The following SHROOM3 variants were observed in gnomAD, a reference collection of about 807,000 sequenced individuals.
SHROOM3 encodes the protein shroom family member 3.
SHROOM3 carries 47 observed loss-of-function variants against 138.6 expected under a neutral mutation model. That is an observed-to-expected ratio of 0.34 (90% CI 0.27 to 0.43). SHROOM3 has a LOEUF of 0.43. Among genes scored for constraint, SHROOM3 ranks in the 20% least tolerant of loss-of-function variants. SHROOM3 has a pLI of 1.00. For synonymous variants in SHROOM3, 1,062 were observed against 1,063.3 expected (o/e 1.00, Z 0.02); for missense variants, 2,491 against 2,596.5 (o/e 0.96, Z 0.88).
At chr4:76,637,302 C>T (rs1216158368) in intron 2 of SHROOM3, among the ~76,000 whole-genome samples, 1 of 152,204 alleles carries the variant, frequency 6.6e-6, no homozygotes, top group Non-Finnish European at 1.5e-5. Context: ...AAAACTCTTG[C>T]AGATGCAATA....
chr4:76,441,092 T>TTG lies in SHROOM3; in HGVS notation c.168+4873_168+4874insGT, dbSNP rs1730664059. On this transcript the variant is annotated intron_variant, in intron 1 of 10. Transcript: ENST00000296043. Reference sequence around the variant, plus strand: ...ACAGTCCTGAGTTCAATTTGTTTTTTTTTTTTTTTTTTTTTGAGACAGAGT... The same window carrying TTG: ...ACAGTCCTGAGTTCAATTTGTTTTTTTGTTTTTTTTTTTTTTTGAGACAGAGT... Among the ~76,000 whole-genome samples the TTG allele has an allele frequency of 1.5e-5, 2 of 131,600 alleles. 1 individual carries two copies. Among genetic ancestry groups the TTG allele is most frequent in the Non-Finnish European group, 3.3e-5 (2 of 60,772 alleles). 86.3% of individuals were successfully genotyped at this position (131,600 alleles called of 152,430 possible).
At chr4:76,654,731 G>A (rs1736030423) in intron 2 of SHROOM3, among the ~76,000 whole-genome samples, 1 of 151,772 alleles carries the variant, frequency 6.6e-6, no homozygotes, top group Non-Finnish European at 1.5e-5. Context: ...GAGGGGGAGG[G>A]TTCAAGGATG....
intron 1 of SHROOM3, among the ~76,000 whole-genome samples, chr4:76,525,867 A>G (rs1296678498): frequency 1.3e-5 from 2 of 152,120 alleles, no homozygotes; most frequent in African/African-American, 2.4e-5. Flanking sequence ...GTCACATTCA[A>G]AAAACACTGC....
chr4:76,483,115 A>G (rs1410989662), intron 1 of SHROOM3, among the ~76,000 whole-genome samples: 1 of 152,240 alleles, frequency 6.6e-6, no homozygotes, highest in Admixed American at 6.5e-5. Context: ...ATAAAACACC[A>G]AAAGCAATGG....
At chr4:76,618,899 C>T (rs1029655706) in intron 2 of SHROOM3, among the ~76,000 whole-genome samples, 1 of 152,128 alleles carries the variant, frequency 6.6e-6, no homozygotes, top group Non-Finnish European at 1.5e-5. Flanking sequence ...TTTCTTGAGA[C>T]GAAGTCTCAC....
At chr4:76,440,354 G>C (rs1016805072) in intron 1 of SHROOM3, among the ~76,000 whole-genome samples, 3 of 152,142 alleles carry the variant, frequency 2.0e-5, no homozygotes, top group Non-Finnish European at 4.4e-5. Flanking sequence ...CATGCATTCT[G>C]GTTCCAGAGT....
chr4:76,669,389 G>A (rs1718811046), intron 2 of SHROOM3, among the ~76,000 whole-genome samples: 1 of 152,150 alleles, frequency 6.6e-6, no homozygotes, highest in Non-Finnish European at 1.5e-5. Flanking sequence ...GGGAGGCCGA[G>A]GCAGGCAGAT....
chr4:76,608,814 G>T (rs1003107509), intron 2 of SHROOM3, among the ~76,000 whole-genome samples: 2 of 152,182 alleles, frequency 1.3e-5, no homozygotes, highest in Non-Finnish European at 2.9e-5. Context: ...CCTTGAGCAA[G>T]TTACTTCATC....
intron 1 of SHROOM3, among the ~76,000 whole-genome samples, chr4:76,481,772 C>T (rs1731618108): frequency 6.6e-6 from 1 of 152,162 alleles, no homozygotes; most frequent in Non-Finnish European, 1.5e-5. Flanking sequence ...TGACAAACCC[C>T]AAATCCAGTG....
intron 2 of SHROOM3, among the ~76,000 whole-genome samples, chr4:76,686,983 C>T (rs947858260): frequency 6.6e-6 from 1 of 152,172 alleles, no homozygotes. Flanking sequence ...ATGTTGGGGA[C>T]TTATTCCAGT....
At chr4:76,557,226 TACACACACACAC>T (rs35294663) in intron 2 of SHROOM3, among the ~76,000 whole-genome samples, 4 of 142,020 alleles carry the variant, frequency 2.8e-5, no homozygotes, top group African/African-American at 1.1e-4. Flanking sequence ...TGTTTATGTA[TACACACACACAC>T]ACACACACAC....
intron 2 of SHROOM3, among the ~76,000 whole-genome samples, chr4:76,579,950 C>T (rs529672193): frequency 1.3e-5 from 2 of 152,212 alleles, no homozygotes; most frequent in Admixed American, 6.5e-5. Flanking sequence ...TGAAAAACCC[C>T]GCATCATGTG....
intron 2 of SHROOM3, among the ~76,000 whole-genome samples, chr4:76,692,268 C>T (rs374775880): frequency 2.0e-5 from 3 of 152,086 alleles, no homozygotes; most frequent in Non-Finnish European, 4.4e-5. Context: ...GTTGTAACAC[C>T]CAAAGAAGGA....
intron 2 of SHROOM3, among the ~76,000 whole-genome samples, chr4:76,658,857 C>T (rs1456331412): frequency 6.6e-6 from 1 of 152,156 alleles, no homozygotes; most frequent in African/African-American, 2.4e-5. Context: ...ACATCAGATA[C>T]ATACCACACA....
intron 1 of SHROOM3, among the ~76,000 whole-genome samples, chr4:76,486,727 A>G (rs1027757054): frequency 2.6e-5 from 4 of 152,128 alleles, no homozygotes; most frequent in African/African-American, 7.2e-5. Context: ...GACGCTCTCT[A>G]TGGTTGTACA....
chr4:76,768,502 T>A (rs916282586), intron 9 of SHROOM3, among the ~76,000 whole-genome samples: 1 of 152,168 alleles, frequency 6.6e-6, no homozygotes, highest in Non-Finnish European at 1.5e-5. Context: ...TAACCTGTGA[T>A]GAGATGGTGC....
intron 1 of SHROOM3, chr4:76,509,163 T>C (rs1732278674): frequency 6.6e-6 from 1 of 152,244 alleles, no homozygotes; most frequent in African/African-American, 2.4e-5. Context: ...TCAATTTATT[T>C]CTAAGTATGT....
At chr4:76,718,782 T>C (rs1720453747) in intron 3 of SHROOM3, among the ~76,000 whole-genome samples, 1 of 152,236 alleles carries the variant, frequency 6.6e-6, no homozygotes, top group African/African-American at 2.4e-5. Flanking sequence ...GTAAGGCTTC[T>C]GCCTCACACA....
At chr4:76,469,473 T>C (rs1342973130) in intron 1 of SHROOM3, among the ~76,000 whole-genome samples, 1 of 152,114 alleles carries the variant, frequency 6.6e-6, no homozygotes, top group East Asian at 1.9e-4. Context: ...CTTTTTTTTT[T>C]TGAGACAGAG....
Sources: gnomAD v4.1 joint callset for allele counts (sites outside exome capture counted in the v4.1 genomes callset) on GRCh38, gnomAD v4.1.1 for gene constraint, MANE v1.5 for transcripts, NCBI Gene and HGNC (gene_info 2026-07-23, HGNC 2026-07-21) for gene names.